The following SNRNP200 variants were observed in gnomAD, a reference collection of about 807,000 sequenced individuals.
The protein encoded by SNRNP200 is small nuclear ribonucleoprotein U5 subunit 200, also known as U5 small nuclear ribonucleoprotein 200 kDa helicase.
A neutral mutation model predicts 255.2 loss-of-function variants in SNRNP200; 66 were observed. The ratio of observed to expected loss-of-function variants is 0.26; its 90% CI spans 0.21 to 0.32. The LOEUF (loss-of-function observed/expected upper bound fraction) is 0.32. Ranked by LOEUF, SNRNP200 falls within the 10% of genes least tolerant of loss-of-function variation. The pLI, the probability that SNRNP200 is intolerant of heterozygous loss-of-function variation, is 1.00. For synonymous variants in SNRNP200, 939 were observed against 1,027.8 expected (o/e 0.91, Z 1.65); for missense variants, 1,585 against 2,749.8 (o/e 0.58, Z 9.47).
intron 11 of SNRNP200, 106 bp downstream of exon 11, chr2:96,297,257 G>T: frequency 6.5e-7 from 1 of 1,534,600 alleles, no homozygotes; most frequent in Non-Finnish European, 9.0e-7. Context: ...GCAGCTTTCA[G>T]CCCTGAAATA....
chr2:96,281,389 G>C (rs1363879764), intron 35 of SNRNP200: 1 of 246,012 alleles, frequency 4.1e-6, no homozygotes, highest in Admixed American at 4.9e-5. Context: ...CACTGGTCTT[G>C]AACTCCTGAC....
Position 96,291,656 on chromosome 2 carries a change from C to CA in SNRNP200, c.2310+94dup. On this transcript the variant is annotated intron_variant, in intron 17 of 44. Transcript: ENST00000323853. This position sits in a 1 kb window ranked among gnomAD's most constrained non-coding sequence, Gnocchi z 4.2. ...ATCAACCTTAACCCATGGGAAACAA[C>CA]AATACCACAGTACAGTCCTAGAGGA... is the stretch of plus-strand genomic sequence containing the variant. 1.4e-6 allele frequency: 2 copies of CA among 1,452,594 alleles called. No individual in the cohort carries two copies. The highest frequency in any genetic ancestry group is 1.9e-6 in the Non-Finnish European group (2 of 1,036,984). 90.0% of individuals were successfully genotyped at this position (1,452,594 alleles called of 1,614,324 possible).
In SNRNP200 at chr2:96,277,800, A is replaced by T; in HGVS notation, c.5754+7T>A. The T allele has an allele frequency of 6.2e-7, 1 of 1,613,848 alleles. No individual in the cohort carries two copies. Among genetic ancestry groups the T allele is most frequent in the Non-Finnish European group, 8.5e-7 (1 of 1,179,986 alleles). On this transcript the variant is annotated splice_region_variant and intron_variant, in intron 40 of 44. Transcript: ENST00000323853. The surrounding 1 kb of genome is among the most constrained non-coding windows in gnomAD (Gnocchi z 4.4). ...ACTGACCCCTCTGCCCCACACCCAC[A>T]CTCTACCTTACTAAGGATTTCCTCC...
Position 96,293,026 on chromosome 2 carries a change from C to T in SNRNP200, c.2106G>A (p.Gln702=), listed in dbSNP as rs770241124. 1 of 1,614,170 alleles carries T rather than the reference C, an allele frequency of 6.2e-7. No homozygotes were observed. The highest frequency in any genetic ancestry group is 2.2e-5 in the East Asian group (1 of 44,890). The part of the protein sequence containing the change: ...ITEKKAIKRF[Q]IMNEIVYEKI... ...TTTCATAGACGATTTCATTCATGAT[C>T]TGGAAACGCTTGATAGCTTTTTTCT... is the stretch of plus-strand genomic sequence containing the variant. Residue 702 remains glutamine, a synonymous_variant, in exon 16 of 45, where the codon CAG becomes CAA. Transcript: ENST00000323853.
rs747476940 is a variant in SNRNP200, at chr2:96,284,520, G to A, written c.4230C>T (p.Gly1410=). The change falls in exon 31 of 45, where the codon GGC becomes GGT. Residue 1410 remains glycine (G), a synonymous_variant. Coordinates refer to ENST00000323853, the MANE Select transcript of SNRNP200 (RefSeq NM_014014.5). ...RLNKKVVLLT[G]ETSTDLKLLG... ...GCAGCTTCAGGTCTGTGCTGGTCTC[G>A]CCTGTCAGGAGTACCACCTTCTTGT... The A allele has an allele frequency of 4.5e-5, 73 of 1,613,968 alleles. No individual in the cohort carries two copies. The highest frequency in any genetic ancestry group is 3.3e-4 in the Middle Eastern group (2 of 6,084).
chr2:96,296,872 T>A, intron 12 of SNRNP200, 61 bp downstream of exon 12: 1 of 1,610,566 alleles, frequency 6.2e-7, no homozygotes, highest in Non-Finnish European at 8.5e-7. Flanking sequence ...TAAAAAACAA[T>A]CTTGCAACGG....
Position 96,277,008 on chromosome 2 carries a change from C to G in SNRNP200, c.6093-23G>C. On this transcript the variant is annotated intron_variant, in intron 42 of 44. Transcript: ENST00000323853. This position sits in a 1 kb window ranked among gnomAD's most constrained non-coding sequence, Gnocchi z 4.4. ...CCACTGCAGGGGGAGAGGAGGGGCG[C>G]ACGTCAGTGATGGGGCAGTGGGCTC... 1 of 1,614,080 alleles carries G rather than the reference C, an allele frequency of 6.2e-7. No individual in the cohort carries two copies. The highest frequency in any genetic ancestry group is 8.5e-7 in the Non-Finnish European group (1 of 1,179,982).
At position 96,291,241 on chromosome 2, in the gene SNRNP200, T is replaced by C. The variant is rs1302874712; in HGVS notation, c.2421+151A>G. 1.3e-6 allele frequency: 1 copy of C among 749,356 alleles called. No homozygotes were observed. Among genetic ancestry groups the C allele is most frequent in the African/African-American group, 1.7e-5 (1 of 58,646 alleles). 46.4% of individuals were successfully genotyped at this position (749,356 alleles called of 1,614,324 possible). A position where few individuals can be genotyped will look rare whatever the true frequency, so the allele number is the denominator to read the frequency against. On this transcript the variant is annotated intron_variant, in intron 18 of 44. Transcript: ENST00000323853. The surrounding 1 kb of genome is among the most constrained non-coding windows in gnomAD (Gnocchi z 4.2). Reference sequence around the variant, plus strand: ...GAAGAGTTGGGAGAGTAGCATAAGGTTCTATTTATTGTGTCCACCACAACC... The same window carrying C: ...GAAGAGTTGGGAGAGTAGCATAAGGCTCTATTTATTGTGTCCACCACAACC...
rs1209947874 is a variant in SNRNP200 at position 96,304,833 on chromosome 2, G to A, written c.81C>T (p.Leu27=). 6.2e-7 allele frequency: 1 copy of A among 1,614,172 alleles called. No individual in the cohort carries two copies. The highest frequency in any genetic ancestry group is 8.5e-7 in the Non-Finnish European group (1 of 1,180,034). The part of the protein sequence containing the change: ...SNLVLQADRS[L]IDRTRRDEPT... ...GTTCATCCCGGCGGGTCCGGTCAAT[G>A]AGAGAACGGTCAGCTTGGAGCACAA... The change falls in exon 2 of 45, where the codon CTC becomes CTT. Residue 27 remains leucine, a synonymous_variant. Coordinates refer to ENST00000323853, the MANE Select transcript of SNRNP200 (RefSeq NM_014014.5).
intron 36 of SNRNP200, 97 bp from the exon 37 acceptor site, chr2:96,279,095 G>C (rs1205232571): frequency 9.2e-6 from 9 of 980,444 alleles, no homozygotes; most frequent in African/African-American, 1.6e-5. Flanking sequence ...CCCTGTGTGA[G>C]ACCTAACTAA....
At position 96,287,587 on chromosome 2, in the gene SNRNP200, C is replaced by T. The variant is rs1040070422; in HGVS notation, c.3366-30G>A. On this transcript the variant is annotated intron_variant, in intron 25 of 44. Transcript: ENST00000323853. The surrounding 1 kb of genome is among the most constrained non-coding windows in gnomAD (Gnocchi z 5.7). ...CCAGGAAGGAGGCAAAGCTGTTGGT[C>T]CCTTCTGCAGGGATGTGACAAACCA... 1.9e-6 allele frequency: 3 copies of T among 1,543,908 alleles called. No homozygotes were observed. The highest frequency in any genetic ancestry group is 9.0e-7 in the Non-Finnish European group (1 of 1,116,172).
Position 96,296,536 on chromosome 2 carries a change from C to T in SNRNP200, c.1671G>A (p.Lys557=). ...LVQEMVGSFG[K]RLATYGITVA... The stretch of plus-strand genomic sequence containing the variant: ...CTGCAGGAAAGTTCTACTCCCTCAC[C>T]TTTCCAAAGCTGCCCACCATCTCCT... The change falls in exon 13 of 45, where the codon AAG becomes AAA. Residue 557 remains lysine (K), a splice_region_variant and synonymous_variant. Transcript: ENST00000323853. 1 of 1,614,080 alleles carries T rather than the reference C, an allele frequency of 6.2e-7. No homozygotes were observed. The highest frequency in any genetic ancestry group is 8.5e-7 in the Non-Finnish European group (1 of 1,180,006).
intron 35 of SNRNP200, among the ~76,000 whole-genome samples, chr2:96,280,848 CTTTTTTTT>C (rs985439781): frequency 1.7e-5 from 2 of 114,872 alleles, no homozygotes; most frequent in East Asian, 5.5e-4. Context: ...ACACCTGGCC[CTTTTTTTT>C]TTTTTTTTTT....
In SNRNP200 at chr2:96,290,925, A is replaced by C; in HGVS notation, c.2422-110T>G. The C allele has an allele frequency of 7.5e-7, 1 of 1,335,100 alleles. No individual in the cohort carries two copies. The highest frequency in any genetic ancestry group is 1.1e-6 in the Non-Finnish European group (1 of 941,360). The allele number at this position is 1,335,100 out of a possible 1,614,324, so 82.7% of individuals were successfully genotyped here. ...AGAGCTTCTCTCAGGACTAGCCGGT[A>C]GGGCGCGTGGGGTCCCAGTACTTGT... On this transcript the variant is annotated intron_variant, in intron 18 of 44. Coordinates refer to ENST00000323853, the MANE Select transcript of SNRNP200 (RefSeq NM_014014.5). The surrounding 1 kb of genome is among the most constrained non-coding windows in gnomAD (Gnocchi z 4.5).
In SNRNP200 at chr2:96,287,004, A is replaced by C; in HGVS notation, c.3639+2T>G. On this transcript the variant is annotated splice_donor_variant, in intron 27 of 44. Coordinates refer to ENST00000323853, the MANE Select transcript of SNRNP200 (RefSeq NM_014014.5). LOFTEE classifies it high-confidence loss of function. The surrounding 1 kb of genome is among the most constrained non-coding windows in gnomAD (Gnocchi z 5.7). ...CAGCACCTCTGCCCAGCAAAGCCTC[A>C]CCTTTTCATCCCACTGGAAGTCTGG... 1 of 1,614,024 alleles carries C rather than the reference A, an allele frequency of 6.2e-7. No individual in the cohort carries two copies. The highest frequency in any genetic ancestry group is 8.5e-7 in the Non-Finnish European group (1 of 1,179,980).
chr2:96,297,329 C>T (rs1418533725), intron 11 of SNRNP200, 34 bp downstream of exon 11: 1 of 1,612,066 alleles, frequency 6.2e-7, no homozygotes, highest in Non-Finnish European at 8.5e-7. Flanking sequence ...AGGAGGTGAA[C>T]TGAGCAGAGA....
chr2:96,289,000 C>A (rs2063867270), intron 23 of SNRNP200, 37 bp downstream of exon 23: 3 of 1,550,978 alleles, frequency 1.9e-6, no homozygotes, highest in African/African-American at 2.7e-5. Flanking sequence ...ACCACTTAAT[C>A]CTCATCCTTA....
In SNRNP200 at chr2:96,287,788, G is replaced by A; in HGVS notation, c.3365+75C>T. Reference sequence around the variant, plus strand: ...CAGGTCTGGAGATCAGATGCACCCTGAGGCTTTCCCATCAGACCCTTGGGT... The same window carrying A: ...CAGGTCTGGAGATCAGATGCACCCTAAGGCTTTCCCATCAGACCCTTGGGT... On this transcript the variant is annotated intron_variant, in intron 25 of 44. Transcript: ENST00000323853. The surrounding 1 kb of genome is among the most constrained non-coding windows in gnomAD (Gnocchi z 5.7). The A allele has an allele frequency of 2.3e-6, 3 of 1,278,160 alleles. No individual in the cohort carries two copies. The highest frequency in any genetic ancestry group is 2.3e-6 in the Non-Finnish European group (2 of 873,682). The allele number at this position is 1,278,160 out of a possible 1,614,324, so 79.2% of individuals were successfully genotyped here. A position where few individuals can be genotyped will look rare whatever the true frequency, so the allele number is the denominator to read the frequency against.
At position 96,285,161 on chromosome 2, in the gene SNRNP200, A is replaced by G. The variant is rs1456905064; in HGVS notation, c.4164+19T>C. The G allele has an allele frequency of 6.2e-7, 1 of 1,613,562 alleles. No individual in the cohort carries two copies. Among genetic ancestry groups the G allele is most frequent in the African/African-American group, 1.3e-5 (1 of 74,932 alleles). ...AAATGCTTCTTGGGAAATTCACATG[A>G]CACAGCGCCACGTCATACCTGCTCT... is the stretch of plus-strand genomic sequence containing the variant. On this transcript the variant is annotated intron_variant, in intron 30 of 44. Transcript: ENST00000323853.
Sources: allele counts gnomAD v4.1 joint callset (sites outside exome capture counted in the v4.1 genomes callset), GRCh38; gene constraint gnomAD v4.1.1; non-coding constraint Gnocchi (gnomAD v3.1); transcripts MANE v1.5; gene names NCBI Gene and HGNC (gene_info 2026-07-23, HGNC 2026-07-21).